CDC42SE2: variants seen among roughly 807,000 people sequenced by gnomAD.
CDC42SE2 encodes CDC42 small effector 2, also known as CDC42 small effector protein 2.
CDC42SE2 carries 3 observed loss-of-function variants against 11.5 expected under a neutral mutation model. The ratio of observed to expected loss-of-function variants is 0.26; its 90% CI spans 0.12 to 0.67. CDC42SE2 has a LOEUF of 0.67. Among genes scored for constraint, CDC42SE2 ranks in the 30% least tolerant of loss-of-function variants. The pLI, the probability that CDC42SE2 is intolerant of heterozygous loss-of-function variation, is 0.80. For missense variants in CDC42SE2, 82 were observed against 106.8 expected (o/e 0.77, Z 1.02); for synonymous variants, 33 against 34.8 (o/e 0.95, Z 0.18).
chr5:131,316,329 G>T (rs958270162), intron 2 of CDC42SE2, among the ~76,000 whole-genome samples, 185 bp downstream of exon 2: 1 of 152,178 alleles, frequency 6.6e-6, no homozygotes, highest in Non-Finnish European at 1.5e-5. Flanking sequence ...TCAGAGTTTG[G>T]CTTGCTTCTT....
chr5:131,350,997 G>A (rs532041807), intron 2 of CDC42SE2, among the ~76,000 whole-genome samples: 1 of 152,176 alleles, frequency 6.6e-6, no homozygotes, highest in African/African-American at 2.4e-5. Context: ...TCAGGCTGGA[G>A]TACAGTGTTA....
Position 131,359,425 on chromosome 5 carries a change from G to A in CDC42SE2, c.-69G>A, listed in dbSNP as rs1301574734. ...ACTGGACATCATCGTATTGAGGAGC[G>A]TATTTTTGGAACTTCCCGAGTTGAG... On this transcript the variant is annotated 5_prime_UTR_variant, in exon 3 of 5. Coordinates refer to ENST00000505065, the MANE Select transcript of CDC42SE2 (RefSeq NM_001375635.1). The A allele has an allele frequency of 9.1e-6, 10 of 1,102,316 alleles. No homozygotes were observed. Among genetic ancestry groups the A allele is most frequent in the Middle Eastern group, 3.9e-4 (2 of 5,094 alleles). The allele number at this position is 1,102,316 out of a possible 1,614,324, so 68.3% of individuals were successfully genotyped here. A position where few individuals can be genotyped will look rare whatever the true frequency, so the allele number is the denominator to read the frequency against.
chr5:131,230,002 A>G, the CDC42SE2 span, among the ~76,000 whole-genome samples: 1 of 152,188 alleles, frequency 6.6e-6, no homozygotes, highest in Non-Finnish European at 1.5e-5. Flanking sequence ...TAACACTATC[A>G]TTTTACCATG....
At chr5:131,356,033 C>G (rs1463579053) in intron 2 of CDC42SE2, among the ~76,000 whole-genome samples, 1 of 152,176 alleles carries the variant, frequency 6.6e-6, no homozygotes, top group Non-Finnish European at 1.5e-5. Flanking sequence ...CTTGGATAAG[C>G]TATTTAATGA....
At chr5:131,221,580 G>T in the CDC42SE2 span, among the ~76,000 whole-genome samples, 1 of 151,420 alleles carries the variant, frequency 6.6e-6, no homozygotes, top group East Asian at 1.9e-4. Flanking sequence ...ATTCTCTTGT[G>T]TGAGCACATT....
intron 1 of CDC42SE2, among the ~76,000 whole-genome samples, chr5:131,268,416 G>T (rs6876350): frequency 0.76 from 114,892 of 150,794 alleles, 44,026 homozygotes; most frequent in Middle Eastern, 0.81. Flanking sequence ...TTTTTCTTAT[G>T]TTTTTCATAC....
intron 2 of CDC42SE2, among the ~76,000 whole-genome samples, chr5:131,344,571 G>A (rs1758794376): frequency 6.6e-6 from 1 of 152,208 alleles, no homozygotes; most frequent in African/African-American, 2.4e-5. Flanking sequence ...CCACCTATGG[G>A]GGCAGGGCAT....
chr5:131,363,150 A>AG (rs1749759373), intron 3 of CDC42SE2, among the ~76,000 whole-genome samples: 1 of 152,156 alleles, frequency 6.6e-6, no homozygotes, highest in Non-Finnish European at 1.5e-5. Context: ...CTAAAAAAAA[A>AG]AAAAGATTTA....
the CDC42SE2 span, among the ~76,000 whole-genome samples, chr5:131,215,268 G>A: frequency 6.6e-6 from 1 of 152,200 alleles, no homozygotes; most frequent in African/African-American, 2.4e-5. Flanking sequence ...CCTGTAAAAT[G>A]AGAAGTCTGG....
intron 1 of CDC42SE2, among the ~76,000 whole-genome samples, chr5:131,275,480 G>A (rs535601904): frequency 7.2e-5 from 11 of 151,826 alleles, no homozygotes; most frequent in Non-Finnish European, 1.6e-4. Flanking sequence ...TTTTAGTAGG[G>A]ACCAGGTTTC....
chr5:131,344,188 G>A (rs946475359), intron 2 of CDC42SE2, among the ~76,000 whole-genome samples: 4 of 151,954 alleles, frequency 2.6e-5, no homozygotes, highest in East Asian at 1.9e-4. Context: ...TGCAGCCCAC[G>A]GAGCAGGGCG....
At chr5:131,217,255 A>G in the CDC42SE2 span, among the ~76,000 whole-genome samples, 1 of 152,214 alleles carries the variant, frequency 6.6e-6, no homozygotes, top group Non-Finnish European at 1.5e-5. Flanking sequence ...AGTAGTTGTG[A>G]CAGAGACTAT....
intron 2 of CDC42SE2, among the ~76,000 whole-genome samples, chr5:131,345,987 C>G (rs570406796): frequency 6.6e-6 from 1 of 152,198 alleles, no homozygotes; most frequent in Non-Finnish European, 1.5e-5. Flanking sequence ...CTTACAAGAG[C>G]TCCTGAAGGA....
intron 1 of CDC42SE2, among the ~76,000 whole-genome samples, chr5:131,312,635 T>A (rs1274271325): frequency 3.3e-5 from 5 of 152,184 alleles, no homozygotes; most frequent in African/African-American, 1.2e-4. Flanking sequence ...CGGGATATAA[T>A]CTCGTGGTGC....
At chr5:131,368,252 CAAA>C (rs543328653) in intron 3 of CDC42SE2, among the ~76,000 whole-genome samples, 32 of 65,410 alleles carry the variant, frequency 4.9e-4, no homozygotes, top group African/African-American at 9.9e-4. Context: ...GACTCCATCT[CAAA>C]AAAAAAAAAA....
At chr5:131,308,828 G>C (rs1023850335) in intron 1 of CDC42SE2, among the ~76,000 whole-genome samples, 4 of 152,188 alleles carry the variant, frequency 2.6e-5, no homozygotes, top group African/African-American at 9.7e-5. Context: ...TTGCTTATCA[G>C]CTTAGGGAGA....
At chr5:131,340,257 A>T (rs115327432) in intron 2 of CDC42SE2, among the ~76,000 whole-genome samples, 217 of 152,260 alleles carry the variant, frequency 1.4e-3, no homozygotes, top group African/African-American at 5.1e-3. Flanking sequence ...ATAATTCATA[A>T]CTCTTAAATT....
chr5:131,297,054 A>T (rs1424552481), intron 1 of CDC42SE2, among the ~76,000 whole-genome samples: 1 of 152,154 alleles, frequency 6.6e-6, no homozygotes, highest in Non-Finnish European at 1.5e-5. Context: ...ATGGAGATAT[A>T]AATAGTAGTG....
intron 1 of CDC42SE2, among the ~76,000 whole-genome samples, chr5:131,303,829 C>T (rs1757730077): frequency 6.6e-6 from 1 of 152,168 alleles, no homozygotes; most frequent in Admixed American, 6.5e-5. Context: ...TTAGACACAG[C>T]ATGGATAACT....
Sources: gnomAD v4.1 joint callset for allele counts (sites outside exome capture counted in the v4.1 genomes callset) on GRCh38, gnomAD v4.1.1 for gene constraint, MANE v1.5 for transcripts, NCBI Gene and HGNC (gene_info 2026-07-23, HGNC 2026-07-21) for gene names.